The following ATE1 variants were observed in gnomAD, a reference collection of about 807,000 sequenced individuals.
ATE1 encodes the protein arginyl-tRNA--protein transferase 1.
A neutral mutation model predicts 70.5 loss-of-function variants in ATE1; 36 were observed. That is an observed-to-expected ratio of 0.51 (90% CI 0.39 to 0.67). The LOEUF (loss-of-function observed/expected upper bound fraction) is 0.67. Among genes scored for constraint, ATE1 ranks in the 30% least tolerant of loss-of-function variants. ATE1 has a pLI of 0.00. For missense variants in ATE1, 593 were observed against 629.5 expected, an observed-to-expected ratio of 0.94 and a Z score of 0.62; for synonymous variants, 232 against 219.3, an observed-to-expected ratio of 1.06 and a Z score of -0.51.
intron 5 of ATE1, among the ~76,000 whole-genome samples, chr10:121,909,284 T>C (rs1376768170): frequency 6.6e-6 from 1 of 152,180 alleles, no homozygotes; most frequent in Non-Finnish European, 1.5e-5. Context: ...CCACCACTCC[T>C]GGCCGTAAGA....
intron 7 of ATE1, among the ~76,000 whole-genome samples, chr10:121,880,906 C>T (rs1950205522): frequency 6.6e-6 from 1 of 152,098 alleles, no homozygotes; most frequent in Non-Finnish European, 1.5e-5. Flanking sequence ...ATGTGAAAAA[C>T]AGACCTAAAA....
At chr10:121,788,430 G>A (rs1310206302) in intron 11 of ATE1, among the ~76,000 whole-genome samples, 1 of 152,124 alleles carries the variant, frequency 6.6e-6, no homozygotes, top group Admixed American at 6.5e-5. Context: ...ATGGTCACTC[G>A]TCATCAGGTT....
chr10:121,795,069 G>A (rs111605422), intron 10 of ATE1, among the ~76,000 whole-genome samples: 5,835 of 152,134 alleles, frequency 0.038, 159 homozygotes, highest in Middle Eastern at 0.082. Flanking sequence ...CCAACATGGC[G>A]AAACCCCATC....
Position 121,896,823 on chromosome 10 carries a change from CAAAAAAAAA to C in ATE1, c.942+3034_942+3042del, listed in dbSNP as rs869156572. Among the ~76,000 whole-genome samples the C allele has an allele frequency of 3.9e-4, 11 of 28,350 alleles. 1 individual carries two copies. The highest frequency in any genetic ancestry group is 1.9e-3 in the African/African-American group (11 of 5,716). The allele number at this position is 28,350 out of a possible 152,430, so 18.6% of individuals were successfully genotyped here. A position where few individuals can be genotyped will look rare whatever the true frequency, so the allele number is the denominator to read the frequency against. On this transcript the variant is annotated intron_variant, in intron 7 of 11. Transcript: ENST00000224652. ...TGGGAGACAGAGCAAGACTTTGTCT[CAAAAAAAAA>C]AAAAAAAAAAAAAAAAAAGCCTCAT...
chr10:121,790,244 A>G lies in ATE1; in HGVS notation c.1303T>C (p.Trp435Arg). 6.2e-7 allele frequency: 1 copy of G among 1,614,110 alleles called. No homozygotes were observed. Among genetic ancestry groups the G allele is most frequent in the Non-Finnish European group, 8.5e-7 (1 of 1,179,986 alleles). ...GGCAGGCATTGCTCAATGGGTACCC[A>G]AACATATGTCTCAGGGCACAGCAAA... ...SDLLCPETYV[W>R]VPIEQCLPSL... is the part of the protein sequence containing the mutation. Residue 435 changes from tryptophan (W) to arginine (R), a missense_variant, in exon 11 of 12, where the codon TGG becomes CGG. Transcript: ENST00000224652.
At chr10:121,748,901 C>G (rs965529213) in intron 11 of ATE1, among the ~76,000 whole-genome samples, 5 of 152,276 alleles carry the variant, frequency 3.3e-5, no homozygotes, top group Admixed American at 2.0e-4. Context: ...TCAAATCCTT[C>G]AGAAGCTTGT....
At chr10:121,895,588 T>C (rs951033965) in intron 7 of ATE1, among the ~76,000 whole-genome samples, 2 of 151,720 alleles carry the variant, frequency 1.3e-5, no homozygotes, top group Non-Finnish European at 2.9e-5. Context: ...CACTCCAGCC[T>C]GGTTGACAAG....
chr10:121,922,213 A>AT, intron 3 of ATE1, 136 bp downstream of exon 3: 1 of 645,052 alleles, frequency 1.6e-6, no homozygotes, highest in Non-Finnish European at 2.7e-6. Context: ...AAGAAAAGAC[A>AT]TAACTCATTT....
chr10:121,868,973 C>G (rs1330523316), intron 8 of ATE1, among the ~76,000 whole-genome samples: 1 of 152,116 alleles, frequency 6.6e-6, no homozygotes, highest in Non-Finnish European at 1.5e-5. Context: ...TGAGGCTCAA[C>G]CCTGAAGACG....
intron 1 of ATE1, chr10:121,927,253 T>C: frequency 3.0e-6 from 3 of 984,676 alleles, no homozygotes; most frequent in South Asian, 4.7e-5. Context: ...TATAAGCAAA[T>C]GGTAAAAATT....
At chr10:121,748,976 TGAAACTTGATG>T (rs1324628975) in intron 11 of ATE1, among the ~76,000 whole-genome samples, 1 of 149,864 alleles carries the variant, frequency 6.7e-6, no homozygotes, top group African/African-American at 2.4e-5. Context: ...CAGACTATGC[TGAAACTTGATG>T]GAAACTTTTT....
At chr10:121,822,062 A>T (rs1481462736) in intron 10 of ATE1, among the ~76,000 whole-genome samples, 1 of 152,190 alleles carries the variant, frequency 6.6e-6, no homozygotes, top group Non-Finnish European at 1.5e-5. Context: ...ATTCATCAGG[A>T]ATGCATATAT....
At chr10:121,845,977 G>C (rs1218772346) in intron 8 of ATE1, among the ~76,000 whole-genome samples, 1 of 152,012 alleles carries the variant, frequency 6.6e-6, no homozygotes, top group African/African-American at 2.4e-5. Flanking sequence ...CAGGAGCAAT[G>C]AGCATTCCTA....
chr10:121,812,754 C>A (rs376389324), intron 10 of ATE1, among the ~76,000 whole-genome samples: 1 of 152,120 alleles, frequency 6.6e-6, no homozygotes, highest in Non-Finnish European at 1.5e-5. Context: ...TTCAAAACTC[C>A]GTGTAGCTAA....
chr10:121,853,940 C>A (rs565180907), intron 8 of ATE1, among the ~76,000 whole-genome samples: 1 of 152,106 alleles, frequency 6.6e-6, no homozygotes, highest in Non-Finnish European at 1.5e-5. Flanking sequence ...TATAATGGCA[C>A]GTAATCCCAT....
chr10:121,749,608 T>C (rs1437426228), intron 11 of ATE1, among the ~76,000 whole-genome samples: 1 of 152,236 alleles, frequency 6.6e-6, no homozygotes, highest in Admixed American at 6.5e-5. Flanking sequence ...AATTAATGAA[T>C]ATTCAATAAC....
chr10:121,825,980 T>A (rs1189435201), intron 10 of ATE1, among the ~76,000 whole-genome samples: 2 of 152,238 alleles, frequency 1.3e-5, no homozygotes, highest in African/African-American at 4.8e-5. Flanking sequence ...TGAAATGTTA[T>A]TCAGCCTTAA....
chr10:121,864,536 C>A (rs982025908), intron 8 of ATE1, among the ~76,000 whole-genome samples: 7 of 152,184 alleles, frequency 4.6e-5, no homozygotes, highest in Non-Finnish European at 1.0e-4. Flanking sequence ...AACGTGCAGA[C>A]GTTCAGAAAC....
intron 10 of ATE1, among the ~76,000 whole-genome samples, chr10:121,809,856 GA>G (rs769046319): frequency 6.6e-5 from 10 of 151,570 alleles, no homozygotes; most frequent in Non-Finnish European, 1.2e-4. Flanking sequence ...GGGAAACCAG[GA>G]GTGTGTGCAA....
Sources: gnomAD v4.1 joint callset for allele counts (sites outside exome capture counted in the v4.1 genomes callset) on GRCh38, gnomAD v4.1.1 for gene constraint, MANE v1.5 for transcripts, NCBI Gene and HGNC (gene_info 2026-07-23, HGNC 2026-07-21) for gene names.